ABI3BP: variants seen among roughly 807,000 people sequenced by gnomAD.
The protein encoded by ABI3BP is target of Nesh-SH3.
A neutral mutation model predicts 268.6 loss-of-function variants in ABI3BP; 216 were observed. The observed-to-expected ratio is 0.80, with a 90% CI of 0.72 to 0.90. The LOEUF (loss-of-function observed/expected upper bound fraction) is 0.90. Ranked by LOEUF, ABI3BP falls within the 40% of genes least tolerant of loss-of-function variation. The probability of loss-of-function intolerance (pLI) is 0.00; values close to 1 mark genes in which losing one functional copy is unlikely to be tolerated. For synonymous variants in ABI3BP, 730 were observed against 730.0 expected, an observed-to-expected ratio of 1.00 and a Z score of 0.00; for missense variants, 2,090 against 2,182.4, an observed-to-expected ratio of 0.96 and a Z score of 0.84.
chr3:100,754,655 A>C lies in ABI3BP; in HGVS notation c.4887T>G (p.Gly1629=). The change falls in exon 64 of 68, where the codon GGT becomes GGG. Residue 1629 remains glycine, a synonymous_variant. Transcript: ENST00000471714. ...CCACTGTGTTGCTGACCGGGCCTTC[A>C]CCAAGCGGGTTTTTGGGTTTCACCT... ...EFQVKPKNPL[G]EGPVSNTVAF... 1 of 1,593,462 alleles carries C rather than the reference A, an allele frequency of 6.3e-7. No homozygotes were observed. Among genetic ancestry groups the C allele is most frequent in the Non-Finnish European group, 8.6e-7 (1 of 1,168,942 alleles).
chr3:100,763,813 A>G (rs562124180), intron 63 of ABI3BP, among the ~76,000 whole-genome samples: 2 of 152,348 alleles, frequency 1.3e-5, no homozygotes, highest in Admixed American at 1.3e-4. Flanking sequence ...TCTTGCCAAG[A>G]CATGAACAAA....
intron 2 of ABI3BP, among the ~76,000 whole-genome samples, chr3:100,906,854 A>G (rs1561517061): frequency 6.6e-6 from 1 of 152,240 alleles, no homozygotes; most frequent in Non-Finnish European, 1.5e-5. Context: ...CTCCCATTAG[A>G]GGACGCCTGC....
intron 1 of ABI3BP, among the ~76,000 whole-genome samples, chr3:100,955,679 T>C (rs1471466428): frequency 6.6e-6 from 1 of 152,178 alleles, no homozygotes; most frequent in Admixed American, 6.5e-5. Flanking sequence ...TCTACAAATC[T>C]GCAAGGAAGG....
At chr3:100,847,362 T>C (rs1351958647) in intron 19 of ABI3BP, among the ~76,000 whole-genome samples, 2 of 152,182 alleles carry the variant, frequency 1.3e-5, no homozygotes, top group African/African-American at 4.8e-5. Context: ...GAAGCAGCAA[T>C]GGTTCAAAAG....
At chr3:100,806,631 A>G (rs952344381) in intron 50 of ABI3BP, among the ~76,000 whole-genome samples, 2 of 152,082 alleles carry the variant, frequency 1.3e-5, no homozygotes, top group African/African-American at 2.4e-5. Flanking sequence ...TAGCACTGAC[A>G]AAGCCAGAAG....
chr3:100,832,392 C>G, intron 30 of ABI3BP, 42 bp from the exon 31 acceptor site: 1 of 1,500,362 alleles, frequency 6.7e-7, no homozygotes, highest in Non-Finnish European at 9.0e-7. Flanking sequence ...GCTGATGGCT[C>G]CATTCACTGT....
intron 2 of ABI3BP, among the ~76,000 whole-genome samples, chr3:100,907,693 A>C (rs1423710834): frequency 6.6e-6 from 1 of 152,210 alleles, no homozygotes; most frequent in African/African-American, 2.4e-5. Flanking sequence ...ATTACAAACC[A>C]AACTCATTCA....
rs2097833271 is a variant in ABI3BP at position 100,810,426 on chromosome 3, G to A, written c.3593C>T (p.Pro1198Leu). The A allele has an allele frequency of 1.3e-6, 2 of 1,534,628 alleles. No homozygotes were observed. Among genetic ancestry groups the A allele is most frequent in the East Asian group, 4.9e-5 (2 of 40,880 alleles). ...AATGTATTTACCAGGTTCAGTCTGA[G>A]GCTCATCTGGGCTGGGTAGGGTTAT... ...QSITLPSPDE[P>L]QTEPAPKQTP... is the part of the protein sequence containing the mutation. Residue 1198 changes from proline to leucine, a missense_variant, in exon 49 of 68, where the codon CCT becomes CTT. Coordinates refer to ENST00000471714, the MANE Select transcript of ABI3BP (RefSeq NM_001375547.2).
chr3:100,802,497 G>A (rs2097560952), intron 51 of ABI3BP, among the ~76,000 whole-genome samples: 1 of 152,156 alleles, frequency 6.6e-6, no homozygotes, highest in Non-Finnish European at 1.5e-5. Flanking sequence ...TTTCATTTTG[G>A]TGTGGACATG....
intron 26 of ABI3BP, among the ~76,000 whole-genome samples, chr3:100,837,717 T>G (rs1425615270): frequency 6.6e-6 from 1 of 152,148 alleles, no homozygotes; most frequent in African/African-American, 2.4e-5. Flanking sequence ...GTTGCACCAC[T>G]GTACTCCAAC....
intron 57 of ABI3BP, among the ~76,000 whole-genome samples, chr3:100,782,574 C>G (rs953032405): frequency 1.3e-5 from 2 of 151,976 alleles, no homozygotes; most frequent in Admixed American, 1.3e-4. Context: ...GTGGAAAGAT[C>G]TGGGGGCAGG....
chr3:100,800,151 AATTTCTCAGACTT>A (rs1299396315), intron 51 of ABI3BP, among the ~76,000 whole-genome samples: 1 of 151,886 alleles, frequency 6.6e-6, no homozygotes, highest in African/African-American at 2.4e-5. Context: ...CAATTAGTTC[AATTTCTCAGACTT>A]ATCTTTCTAG....
At chr3:100,789,634 C>T in intron 55 of ABI3BP, 118 bp from the exon 56 acceptor site, 2 of 917,538 alleles carry the variant, frequency 2.2e-6, no homozygotes, top group South Asian at 3.5e-5. Context: ...AAAGAAGGTT[C>T]AGAAAATTCC....
In ABI3BP at chr3:100,926,308, T is replaced by C. The variant is rs771581515; in HGVS notation, c.253A>G (p.Ile85Val). The C allele has an allele frequency of 1.9e-6, 3 of 1,613,100 alleles. No homozygotes were observed. The highest frequency in any genetic ancestry group is 1.3e-5 in the African/African-American group (1 of 74,862). ...CGATACCCAAACACCTTACCAACTA[T>C]AGCTTCTGTGAATTTCCCTTCAGCG... ...LPAEGKFTEA[I>V]VDAEPKYLIV... is the part of the protein sequence containing the mutation. The change falls in exon 2 of 68, where the codon ATA (isoleucine) becomes GTA (valine). Residue 85 changes from isoleucine (I) to valine (V), a missense_variant. Transcript: ENST00000471714.
At chr3:100,767,476 A>G (rs926599260) in intron 62 of ABI3BP, among the ~76,000 whole-genome samples, 1 of 152,072 alleles carries the variant, frequency 6.6e-6, no homozygotes, top group African/African-American at 2.4e-5. Context: ...AACGGACTGG[A>G]AAGGGAGAGG....
At chr3:100,935,122 A>C (rs1000073738) in intron 1 of ABI3BP, among the ~76,000 whole-genome samples, 3 of 152,144 alleles carry the variant, frequency 2.0e-5, no homozygotes, top group Non-Finnish European at 2.9e-5. Context: ...TCTTATGTTT[A>C]AGTCTTTAAT....
In ABI3BP at chr3:100,824,839, C is replaced by T. The variant is rs2098338335; in HGVS notation, c.2746+19G>A. On this transcript the variant is annotated intron_variant, in intron 36 of 67. Transcript: ENST00000471714. ...AGGCTGCCAGGGATCACCCTTAAAC[C>T]AAGGAATCACAGATTTACCAGGTTT... The T allele has an allele frequency of 1.3e-6, 2 of 1,530,588 alleles. No individual in the cohort carries two copies. The highest frequency in any genetic ancestry group is 1.4e-5 in the African/African-American group (1 of 72,832). 94.8% of individuals were successfully genotyped at this position (1,530,588 alleles called of 1,614,324 possible).
chr3:100,846,980 A>G (rs1243402118), intron 19 of ABI3BP, among the ~76,000 whole-genome samples: 2 of 152,332 alleles, frequency 1.3e-5, no homozygotes, highest in East Asian at 3.9e-4. Flanking sequence ...TATAAACTAA[A>G]AAGGAAAAAT....
intron 59 of ABI3BP, among the ~76,000 whole-genome samples, chr3:100,775,780 A>C (rs1409341662): frequency 6.6e-6 from 1 of 152,196 alleles, no homozygotes; most frequent in African/African-American, 2.4e-5. Flanking sequence ...AAGGGGTACA[A>C]TAAGAGCTGA....
Sources: gnomAD v4.1 joint callset for allele counts (sites outside exome capture counted in the v4.1 genomes callset) on GRCh38, gnomAD v4.1.1 for gene constraint, MANE v1.5 for transcripts, NCBI Gene and HGNC (gene_info 2026-07-23, HGNC 2026-07-21) for gene names.